SFMBT2: variants seen among roughly 807,000 people sequenced by gnomAD.
The protein encoded by SFMBT2 is scm-like with four MBT domains protein 2.
In SFMBT2, 38 loss-of-function variants were observed where a neutral mutation model predicts 110.1. The ratio of observed to expected loss-of-function variants is 0.35; its 90% CI spans 0.27 to 0.45. SFMBT2 has a LOEUF of 0.45. SFMBT2 is among the 20% of genes least tolerant of loss of function. The probability of loss-of-function intolerance (pLI) is 1.00; values close to 1 mark genes in which losing one functional copy is unlikely to be tolerated. For missense variants in SFMBT2, 1,011 were observed against 1,094.9 expected (o/e 0.92, Z 1.08); for synonymous variants, 425 against 425.4 (o/e 1.00, Z 0.01).
intron 2 of SFMBT2, among the ~76,000 whole-genome samples, chr10:7,378,455 G>A (rs1845326146): frequency 1.4e-5 from 1 of 73,730 alleles, no homozygotes; most frequent in Non-Finnish European, 2.7e-5. Flanking sequence ...GTGTATGTGT[G>A]GATGGGTGAT....
At chr10:7,275,259 G>T (rs1841734555) in intron 7 of SFMBT2, among the ~76,000 whole-genome samples, 1 of 152,184 alleles carries the variant, frequency 6.6e-6, no homozygotes, top group African/African-American at 2.4e-5. Context: ...TGTGTATAGG[G>T]TACGTCAAAA....
At chr10:7,190,595 T>C (rs757505498) in intron 15 of SFMBT2, among the ~76,000 whole-genome samples, 5 of 152,210 alleles carry the variant, frequency 3.3e-5, no homozygotes, top group Non-Finnish European at 5.9e-5. Context: ...AGCTGAATAA[T>C]TTCTGTGCAC....
rs2131531206 is a variant in SFMBT2 at position 7,172,360 on chromosome 10, AG to A, written c.2151+134del. ...CATTTGTTTTCAGCAAGTAAGGAGG[AG>A]GGGGCTCTTCTTCAGTGTTTCTGAC... On this transcript the variant is annotated intron_variant, in intron 18 of 20. Coordinates refer to ENST00000397167, the MANE Select transcript of SFMBT2 (RefSeq NM_001387889.1). This position sits in a 1 kb window ranked among gnomAD's most constrained non-coding sequence, Gnocchi z 4.6. 6.6e-7 allele frequency: 1 copy of A among 1,506,024 alleles called. No homozygotes were observed. Among genetic ancestry groups the A allele is most frequent in the South Asian group, 1.3e-5 (1 of 76,888 alleles). 93.3% of individuals were successfully genotyped at this position (1,506,024 alleles called of 1,614,324 possible).
At chr10:7,210,670 C>T (rs919061636) in intron 11 of SFMBT2, among the ~76,000 whole-genome samples, 3 of 152,234 alleles carry the variant, frequency 2.0e-5, no homozygotes, top group East Asian at 1.9e-4. Context: ...AATGCAAAGC[C>T]GGTGTGAGTG....
At chr10:7,316,492 G>A (rs1478121684) in intron 4 of SFMBT2, among the ~76,000 whole-genome samples, 1 of 152,192 alleles carries the variant, frequency 6.6e-6, no homozygotes, top group African/African-American at 2.4e-5. Context: ...ATGAGAGCAA[G>A]GTTGGAATGA....
At chr10:7,199,403 A>G (rs978488191) in intron 14 of SFMBT2, among the ~76,000 whole-genome samples, 2 of 152,208 alleles carry the variant, frequency 1.3e-5, no homozygotes, top group Non-Finnish European at 2.9e-5. Context: ...TTTCTGCAAA[A>G]CCACTGCTAT....
At position 7,210,117 on chromosome 10, in the gene SFMBT2, C is replaced by T. The variant is rs73615407; in HGVS notation, c.1331-4189G>A. On this transcript the variant is annotated intron_variant, in intron 11 of 20. Transcript: ENST00000397167. ...TAAAGAGTTCTGCAGCTTGCTACCCCCTTGTCCCCGGTTCAGCAGGACACA... is the reference window on the plus strand; with the variant it reads ...TAAAGAGTTCTGCAGCTTGCTACCCTCTTGTCCCCGGTTCAGCAGGACACA... Among the ~76,000 whole-genome samples, 693 of 152,298 alleles carry T rather than the reference C, an allele frequency of 4.6e-3. 3 individuals carry two copies. The highest frequency in any genetic ancestry group is 0.016 in the African/African-American group (663 of 41,538).
intron 4 of SFMBT2, among the ~76,000 whole-genome samples, chr10:7,306,375 C>T (rs1327514874): frequency 1.3e-5 from 2 of 152,158 alleles, no homozygotes; most frequent in Admixed American, 6.5e-5. Flanking sequence ...ATATGAAATT[C>T]AAATTTTTGT....
intron 6 of SFMBT2, chr10:7,277,499 A>T (rs992849474): frequency 1.3e-5 from 3 of 227,118 alleles, no homozygotes; most frequent in African/African-American, 6.9e-5. Flanking sequence ...TTAAAAGGTA[A>T]ATTAAAATTT....
Position 7,171,126 on chromosome 10 carries a change from C to A in SFMBT2, c.2416-70G>T. 1 of 1,604,600 alleles carries A rather than the reference C, an allele frequency of 6.2e-7. No homozygotes were observed. The highest frequency in any genetic ancestry group is 8.5e-7 in the Non-Finnish European group (1 of 1,175,160). On this transcript the variant is annotated intron_variant, in intron 19 of 20. Coordinates refer to ENST00000397167, the MANE Select transcript of SFMBT2 (RefSeq NM_001387889.1). The surrounding 1 kb of genome is among the most constrained non-coding windows in gnomAD (Gnocchi z 4.9). Reference sequence around the variant, plus strand: ...TGGCTGGGTCCTCTCCAGCACTCTCCAGGCCTCGGCCGTTCCTGGCCGGAA... The same window carrying A: ...TGGCTGGGTCCTCTCCAGCACTCTCAAGGCCTCGGCCGTTCCTGGCCGGAA...
chr10:7,307,579 C>T (rs1842732338), intron 4 of SFMBT2, among the ~76,000 whole-genome samples: 2 of 152,284 alleles, frequency 1.3e-5, no homozygotes, highest in South Asian at 2.1e-4. Context: ...AGGGGGAGAA[C>T]AGACTCTCTG....
intron 1 of SFMBT2, among the ~76,000 whole-genome samples, chr10:7,407,479 G>C (rs1846251064): frequency 6.6e-6 from 1 of 152,064 alleles, no homozygotes; most frequent in Non-Finnish European, 1.5e-5. Context: ...CAATGGCCTC[G>C]GATCAGCCGC....
intron 4 of SFMBT2, among the ~76,000 whole-genome samples, chr10:7,331,300 G>A (rs1445057187): frequency 6.6e-6 from 1 of 152,182 alleles, no homozygotes; most frequent in African/African-American, 2.4e-5. Flanking sequence ...CTGTTGATGG[G>A]TAATTTTTTA....
At chr10:7,210,865 G>A (rs1188359299) in intron 11 of SFMBT2, among the ~76,000 whole-genome samples, 1 of 151,808 alleles carries the variant, frequency 6.6e-6, no homozygotes, top group African/African-American at 2.4e-5. Flanking sequence ...CAGGATCAAG[G>A]TATCATAGGA....
chr10:7,394,515 C>T (rs965922783), intron 1 of SFMBT2, among the ~76,000 whole-genome samples: 1 of 150,868 alleles, frequency 6.6e-6, no homozygotes, highest in African/African-American at 2.4e-5. Flanking sequence ...CCCCCACCCC[C>T]CAACAACTCC....
chr10:7,205,263 C>CT (rs548641228), intron 12 of SFMBT2: 1 of 298,968 alleles, frequency 3.3e-6, no homozygotes, highest in Non-Finnish European at 4.9e-6. Flanking sequence ...ATATGTACTT[C>CT]TTTTTTTACG....
In SFMBT2 at chr10:7,171,168, G is replaced by T; in HGVS notation, c.2416-112C>A. On this transcript the variant is annotated intron_variant, in intron 19 of 20. Transcript: ENST00000397167. This position sits in a 1 kb window ranked among gnomAD's most constrained non-coding sequence, Gnocchi z 4.9. ...TGGCCGGAAGCCACTGCCTCCCTTT[G>T]CTCCCTCACTGGGCACCTGAAAAAG... The T allele has an allele frequency of 1.9e-6, 3 of 1,553,456 alleles. No individual in the cohort carries two copies. The highest frequency in any genetic ancestry group is 8.8e-7 in the Non-Finnish European group (1 of 1,142,028).
At chr10:7,241,264 T>C (rs1178130773) in intron 9 of SFMBT2, 4 of 877,374 alleles carry the variant, frequency 4.6e-6, no homozygotes, top group Non-Finnish European at 5.5e-6. Context: ...GTCTCAGGTA[T>C]GTCTTTATGA....
At chr10:7,348,439 AGGGCTTTTC>A in intron 4 of SFMBT2, 1 of 923,868 alleles carries the variant, frequency 1.1e-6, no homozygotes, top group Middle Eastern at 2.4e-4. Flanking sequence ...TATGTCATTA[AGGGCTTTTC>A]AAAAAATTGA....
Sources: allele counts gnomAD v4.1 joint callset (sites outside exome capture counted in the v4.1 genomes callset), GRCh38; gene constraint gnomAD v4.1.1; non-coding constraint Gnocchi (gnomAD v3.1); transcripts MANE v1.5; gene names NCBI Gene and HGNC (gene_info 2026-07-23, HGNC 2026-07-21).